ARK2C: variants seen among roughly 807,000 people sequenced by gnomAD.
ARK2C encodes the protein E3 ubiquitin-protein ligase ARK2C.
chr18:46,400,682 G>T, the ARK2C span, among the ~76,000 whole-genome samples: 19 of 152,272 alleles, frequency 1.2e-4, no homozygotes, highest in Non-Finnish European at 2.2e-4. Context: ...TCTCAGTGCA[G>T]TGGGCTCAGA....
At chr18:46,336,616 G>A in the ARK2C span, 1 of 985,308 alleles carries the variant, frequency 1.0e-6, no homozygotes, top group African/African-American at 1.7e-5. Flanking sequence ...GCTTAAATCT[G>A]TTCTTTTTAG....
At chr18:46,449,682 T>A in the ARK2C span, among the ~76,000 whole-genome samples, 1 of 152,182 alleles carries the variant, frequency 6.6e-6, no homozygotes. Flanking sequence ...ACAAGGGACC[T>A]CCCCATTCGC....
chr18:46,435,352 A>T, the ARK2C span: 1 of 1,614,144 alleles, frequency 6.2e-7, no homozygotes, highest in Non-Finnish European at 8.5e-7. Flanking sequence ...ACTTCGGCCA[A>T]CTGCAGACAC....
the ARK2C span, chr18:46,334,670 C>CTG: frequency 1.0e-5 from 3 of 293,108 alleles, no homozygotes; most frequent in African/African-American, 9.7e-5. The surrounding 1 kb of genome is among the most constrained non-coding windows in gnomAD (Gnocchi z 4.4). Flanking sequence ...AGATACATGA[C>CTG]CGTGTGTGTG....
At chr18:46,366,043 A>G in the ARK2C span, among the ~76,000 whole-genome samples, 1 of 152,102 alleles carries the variant, frequency 6.6e-6, no homozygotes, top group South Asian at 2.1e-4. Flanking sequence ...CTGTAATCCC[A>G]GCACTTTGGG....
chr18:46,429,018 C>T, the ARK2C span, among the ~76,000 whole-genome samples: 1 of 152,138 alleles, frequency 6.6e-6, no homozygotes, highest in Admixed American at 6.6e-5. Flanking sequence ...GTCACACTGG[C>T]AGTCTCCTTC....
the ARK2C span, among the ~76,000 whole-genome samples, chr18:46,387,756 G>C: frequency 6.6e-6 from 1 of 152,262 alleles, no homozygotes; most frequent in Non-Finnish European, 1.5e-5. Context: ...CATCATCGAG[G>C]ACTGCTGAAA....
At chr18:46,334,482 G>A in the ARK2C span, 2 of 628,502 alleles carry the variant, frequency 3.2e-6, no homozygotes, top group Non-Finnish European at 4.8e-6. The surrounding 1 kb of genome is among the most constrained non-coding windows in gnomAD (Gnocchi z 4.4). Context: ...CCCATTTTAG[G>A]GGGACCCCCG....
At chr18:46,427,087 G>A in the ARK2C span, among the ~76,000 whole-genome samples, 7 of 152,228 alleles carry the variant, frequency 4.6e-5, no homozygotes, top group African/African-American at 1.4e-4. Flanking sequence ...AGGGGGCAAG[G>A]TGGATGTTTC....
the ARK2C span, chr18:46,334,469 C>T: frequency 4.8e-5 from 36 of 745,916 alleles, no homozygotes; most frequent in South Asian, 1.2e-4. This position sits in a 1 kb window ranked among gnomAD's most constrained non-coding sequence, Gnocchi z 4.4. Context: ...GGCTTCCCCC[C>T]ACCCCATTTT....
chr18:46,455,152 GA>G, the ARK2C span, among the ~76,000 whole-genome samples: 635 of 152,286 alleles, frequency 4.2e-3, 7 homozygotes, highest in African/African-American at 0.014. Flanking sequence ...TGGATAGAAA[GA>G]TAAATCCAAC....
At chr18:46,431,672 T>G in the ARK2C span, among the ~76,000 whole-genome samples, 1 of 152,236 alleles carries the variant, frequency 6.6e-6, no homozygotes, top group East Asian at 1.9e-4. Flanking sequence ...TGCCCTCTCC[T>G]GCCTCGGGTC....
the ARK2C span, among the ~76,000 whole-genome samples, chr18:46,453,156 C>G: frequency 4.6e-5 from 7 of 152,180 alleles, no homozygotes; most frequent in Non-Finnish European, 5.9e-5. Context: ...TAAATGATTT[C>G]AACCGCAGTT....
chr18:46,369,989 G>C, the ARK2C span, among the ~76,000 whole-genome samples: 1 of 152,118 alleles, frequency 6.6e-6, no homozygotes, highest in African/African-American at 2.4e-5. Context: ...CCTAGACTTG[G>C]GAATGATTCT....
the ARK2C span, among the ~76,000 whole-genome samples, chr18:46,375,553 CTAATAATAA>C: frequency 0.026 from 3,632 of 137,830 alleles, 55 homozygotes; most frequent in Non-Finnish European, 0.031. Context: ...GACTCTGTCT[CTAATAATAA>C]TAATAATAAT....
At chr18:46,427,907 G>C in the ARK2C span, among the ~76,000 whole-genome samples, 2 of 152,202 alleles carry the variant, frequency 1.3e-5, no homozygotes, top group Admixed American at 1.3e-4. Context: ...TGGTATTTCT[G>C]GAGGAGCTGA....
At chr18:46,360,525 T>C in the ARK2C span, among the ~76,000 whole-genome samples, 1 of 152,242 alleles carries the variant, frequency 6.6e-6, no homozygotes, top group Non-Finnish European at 1.5e-5. Flanking sequence ...TGTGTCCTTT[T>C]CTGAAAGACA....
the ARK2C span, among the ~76,000 whole-genome samples, chr18:46,441,458 T>G: frequency 6.6e-6 from 1 of 152,250 alleles, no homozygotes; most frequent in Non-Finnish European, 1.5e-5. Flanking sequence ...TCATAATATT[T>G]TCTTATCATT....
chr18:46,438,769 C>A, the ARK2C span, among the ~76,000 whole-genome samples: 1 of 152,192 alleles, frequency 6.6e-6, no homozygotes, highest in Admixed American at 6.5e-5. Flanking sequence ...TAGTTCATTT[C>A]CCAAGTGACA....
Sources: gnomAD v4.1 joint callset for allele counts (sites outside exome capture counted in the v4.1 genomes callset) on GRCh38, gnomAD v4.1.1 for gene constraint, Gnocchi (gnomAD v3.1) non-coding constraint, MANE v1.5 for transcripts, NCBI Gene and HGNC (gene_info 2026-07-23, HGNC 2026-07-21) for gene names.